Variants in RGS6 observed in about 807,000 individuals in gnomAD.
The protein encoded by RGS6 is regulator of G protein signaling 6.
RGS6 carries 30 observed loss-of-function variants against 78.5 expected under a neutral mutation model. The observed-to-expected ratio is 0.38, with a 90% CI of 0.29 to 0.52. RGS6 has a LOEUF of 0.52. RGS6 is among the 20% of genes least tolerant of loss of function. The pLI is 0.85. For synonymous variants in RGS6, 206 were observed against 206.0 expected, an observed-to-expected ratio of 1.00 and a Z score of 0.00; for missense variants, 495 against 609.7, an observed-to-expected ratio of 0.81 and a Z score of 1.98.
intron 2 of RGS6, among the ~76,000 whole-genome samples, chr14:72,106,910 G>A (rs1399757137): frequency 1.3e-5 from 2 of 152,134 alleles, no homozygotes; most frequent in Admixed American, 1.3e-4. Context: ...AAGACTATAG[G>A]TGGGACTGCG....
At chr14:72,396,302 T>C (rs1011794342) in intron 3 of RGS6, among the ~76,000 whole-genome samples, 1 of 152,250 alleles carries the variant, frequency 6.6e-6, no homozygotes, top group Non-Finnish European at 1.5e-5. Flanking sequence ...GATGAGCATT[T>C]TTCCCATGTG....
At chr14:71,897,616 G>T in the RGS6 span, among the ~76,000 whole-genome samples, 7 of 152,216 alleles carry the variant, frequency 4.6e-5, no homozygotes, top group East Asian at 1.4e-3. Flanking sequence ...CACCTCCTGG[G>T]TTCAAGTGAT....
At chr14:72,204,633 CCTT>C (rs1425673335) in intron 2 of RGS6, among the ~76,000 whole-genome samples, 2 of 152,110 alleles carry the variant, frequency 1.3e-5, no homozygotes. Context: ...ACAGGTGGCA[CCTT>C]CTTGCTGTGT....
chr14:72,137,862 T>G (rs1394721054), intron 2 of RGS6, among the ~76,000 whole-genome samples: 2 of 152,188 alleles, frequency 1.3e-5, no homozygotes, highest in Non-Finnish European at 2.9e-5. Flanking sequence ...CACAATTGTT[T>G]AAATCATTTA....
rs551342071 is a variant in RGS6, at chr14:72,484,103, A to G, written c.854+5774A>G. On this transcript the variant is annotated intron_variant, in intron 12 of 17. Transcript: ENST00000553525. ...GTCCTGGTTCTCTGTTGTGCATCAC[A>G]GTTCAGAAACTGCATGTAGCAGAGC... is the stretch of plus-strand genomic sequence containing the variant. Among the ~76,000 whole-genome samples, 416 of 152,294 alleles carry G rather than the reference A, an allele frequency of 2.7e-3. 1 individual carries two copies. Among genetic ancestry groups the G allele is most frequent in the African/African-American group, 9.7e-3 (402 of 41,554 alleles).
intron 2 of RGS6, among the ~76,000 whole-genome samples, chr14:72,290,667 G>A (rs2152323698): frequency 6.6e-6 from 1 of 152,264 alleles, no homozygotes; most frequent in Middle Eastern, 3.4e-3. Flanking sequence ...CAGAAGCAAG[G>A]AAGAAACTAG....
the RGS6 span, among the ~76,000 whole-genome samples, chr14:71,905,303 C>T: frequency 6.6e-6 from 1 of 152,224 alleles, no homozygotes; most frequent in South Asian, 2.1e-4. Flanking sequence ...TAAACCTCAG[C>T]TCTTTGCCCT....
At chr14:72,353,707 G>A (rs1283945950) in intron 3 of RGS6, among the ~76,000 whole-genome samples, 2 of 152,142 alleles carry the variant, frequency 1.3e-5, no homozygotes, top group African/African-American at 4.8e-5. Context: ...AACAGGCCAG[G>A]CATGATGGCT....
intron 2 of RGS6, among the ~76,000 whole-genome samples, chr14:72,234,764 C>T (rs2050565572): frequency 6.6e-6 from 1 of 152,102 alleles, no homozygotes; most frequent in Non-Finnish European, 1.5e-5. Context: ...AGACATTTTC[C>T]TCATGGACCC....
chr14:72,486,981 G>C (rs2096498210), intron 12 of RGS6, among the ~76,000 whole-genome samples: 3 of 152,116 alleles, frequency 2.0e-5, no homozygotes, highest in Admixed American at 6.5e-5. Context: ...CAGCTGTGAA[G>C]TTAACCCTCT....
At chr14:71,909,087 C>T in the RGS6 span, among the ~76,000 whole-genome samples, 1 of 152,164 alleles carries the variant, frequency 6.6e-6, no homozygotes, top group Non-Finnish European at 1.5e-5. Flanking sequence ...TAATGGTCAT[C>T]TATAACACCA....
At chr14:72,621,651 G>A in the RGS6 span, among the ~76,000 whole-genome samples, 1 of 152,186 alleles carries the variant, frequency 6.6e-6, no homozygotes, top group Non-Finnish European at 1.5e-5. Flanking sequence ...ATACCCAGTG[G>A]GGGAGAGGTT....
At chr14:72,094,887 C>A (rs2095365044) in intron 2 of RGS6, among the ~76,000 whole-genome samples, 1 of 152,154 alleles carries the variant, frequency 6.6e-6, no homozygotes, top group Admixed American at 6.5e-5. Context: ...CAAGACTATT[C>A]TTGCAATTAC....
intron 15 of RGS6, among the ~76,000 whole-genome samples, chr14:72,528,126 T>G (rs2097140515): frequency 6.6e-6 from 1 of 152,186 alleles, no homozygotes. Flanking sequence ...TTTGTCTGAT[T>G]AGCTTCCCCA....
intron 2 of RGS6, among the ~76,000 whole-genome samples, chr14:72,300,348 T>TA (rs1392204726): frequency 6.6e-6 from 1 of 152,168 alleles, no homozygotes; most frequent in Non-Finnish European, 1.5e-5. Flanking sequence ...GTCTGAAACT[T>TA]ACCTAGAGAT....
chr14:72,606,986 A>G, the RGS6 span, among the ~76,000 whole-genome samples: 1 of 152,206 alleles, frequency 6.6e-6, no homozygotes, highest in Non-Finnish European at 1.5e-5. Context: ...CTGCAGAGCC[A>G]TGAGCCAAAT....
intron 3 of RGS6, among the ~76,000 whole-genome samples, chr14:72,369,221 A>G (rs962497399): frequency 1.1e-4 from 17 of 152,320 alleles, no homozygotes; most frequent in Middle Eastern, 3.4e-3. Context: ...CTTACAAATG[A>G]GAGTCTGAGG....
chr14:72,096,752 CTT>C (rs2095416520), intron 2 of RGS6, among the ~76,000 whole-genome samples: 1 of 152,172 alleles, frequency 6.6e-6, no homozygotes, highest in Non-Finnish European at 1.5e-5. Context: ...TGCTGCAAAG[CTT>C]TTAACCTGAG....
At chr14:72,535,387 T>A (rs2097236598) in intron 15 of RGS6, among the ~76,000 whole-genome samples, 2 of 152,224 alleles carry the variant, frequency 1.3e-5, no homozygotes, top group African/African-American at 2.4e-5. Flanking sequence ...CCTGTTTTTT[T>A]AAATTAAACT....
Sources: gnomAD v4.1 joint callset for allele counts (sites outside exome capture counted in the v4.1 genomes callset) on GRCh38, gnomAD v4.1.1 for gene constraint, MANE v1.5 for transcripts, NCBI Gene and HGNC (gene_info 2026-07-23, HGNC 2026-07-21) for gene names.